ZC3H12B: variants seen among roughly 807,000 people sequenced by gnomAD.
ZC3H12B encodes the protein zinc finger CCCH-type containing 12B.
A neutral mutation model predicts 43.9 loss-of-function variants in ZC3H12B; 7 were observed. That is an observed-to-expected ratio of 0.16 (90% CI 0.09 to 0.30). The LOEUF (loss-of-function observed/expected upper bound fraction) is 0.30, where lower values mean the gene tolerates loss of function less well. ZC3H12B is among the 10% of genes least tolerant of loss of function. ZC3H12B has a pLI of 1.00. For missense variants in ZC3H12B, 475 were observed against 670.2 expected (o/e 0.71, Z 3.22); for synonymous variants, 222 against 241.7 (o/e 0.92, Z 0.76).
the ZC3H12B span, among the ~76,000 whole-genome samples, chrX:65,168,392 G>A: frequency 2.7e-5 from 3 of 111,684 alleles, no homozygotes; most frequent in African/African-American, 9.8e-5. Context: ...AAGCCCACTT[G>A]ATCATGGTGG....
chrX:65,406,074 C>T (rs1170236287), intron 3 of ZC3H12B, among the ~76,000 whole-genome samples: 2 of 111,735 alleles, frequency 1.8e-5, no homozygotes, highest in Non-Finnish European at 1.9e-5. Context: ...TTAAAGAGAA[C>T]TGGTACCCAT....
chrX:65,275,804 A>G, the ZC3H12B span, among the ~76,000 whole-genome samples: 2 of 112,514 alleles, frequency 1.8e-5, no homozygotes, highest in Non-Finnish European at 3.7e-5. Flanking sequence ...GCCAAATAAT[A>G]TGAAACGTCC....
the ZC3H12B span, among the ~76,000 whole-genome samples, chrX:65,204,286 C>A: frequency 8.9e-6 from 1 of 111,910 alleles, no homozygotes; most frequent in African/African-American, 3.2e-5. Flanking sequence ...GGAAGCTGAT[C>A]GGTGGATCCT....
chrX:65,166,507 G>A, the ZC3H12B span, among the ~76,000 whole-genome samples: 6 of 111,797 alleles, frequency 5.4e-5, no homozygotes, highest in Admixed American at 9.6e-5. Flanking sequence ...ATAAACATTC[G>A]TGTGCATGTG....
intron 2 of ZC3H12B, among the ~76,000 whole-genome samples, chrX:65,371,781 C>T (rs1287262877): frequency 1.8e-5 from 2 of 111,552 alleles, no homozygotes; most frequent in Non-Finnish European, 3.8e-5. Flanking sequence ...GGAGCTGTAA[C>T]ACTCAGGCAT....
the ZC3H12B span, among the ~76,000 whole-genome samples, chrX:65,243,682 C>A: frequency 8.9e-6 from 1 of 112,254 alleles, no homozygotes; most frequent in Non-Finnish European, 1.9e-5. Flanking sequence ...ATGTTTATTG[C>A]AGCACTTTTC....
intron 1 of ZC3H12B, among the ~76,000 whole-genome samples, chrX:65,490,379 GAAAAA>G (rs1032989325): frequency 1.8e-5 from 1 of 54,994 alleles, no homozygotes; most frequent in Non-Finnish European, 3.4e-5. Flanking sequence ...ACTGTTTCAG[GAAAAA>G]AAAAAAAAAA....
At chrX:65,159,802 G>A in the ZC3H12B span, among the ~76,000 whole-genome samples, 3 of 111,886 alleles carry the variant, frequency 2.7e-5, no homozygotes, top group African/African-American at 6.5e-5. Flanking sequence ...ACACTATGTG[G>A]AAGAGGAGTG....
intron 3 of ZC3H12B, among the ~76,000 whole-genome samples, chrX:65,451,458 G>T (rs772929503): frequency 6.4e-5 from 7 of 109,866 alleles, no homozygotes; most frequent in African/African-American, 2.3e-4. Flanking sequence ...ATTTTGATTG[G>T]GCTATGTTTC....
At chrX:65,113,271 C>T in the ZC3H12B span, among the ~76,000 whole-genome samples, 5 of 111,890 alleles carry the variant, frequency 4.5e-5, no homozygotes, top group Non-Finnish European at 7.5e-5. Flanking sequence ...GAGGAATCTG[C>T]TCCTGGTGAA....
At chrX:65,335,602 T>C in the ZC3H12B span, among the ~76,000 whole-genome samples, 1 of 111,148 alleles carries the variant, frequency 9.0e-6, no homozygotes, top group East Asian at 2.9e-4. Flanking sequence ...ATTGTAAAGG[T>C]CATACAGATA....
chrX:65,426,392 C>CAAAAAA (rs58910748), intron 3 of ZC3H12B, among the ~76,000 whole-genome samples: 1 of 42,191 alleles, frequency 2.4e-5, no homozygotes, highest in Non-Finnish European at 4.8e-5. Context: ...TAATTATTTC[C>CAAAAAA]AAAAAAAAAA....
At chrX:65,061,575 A>G in the ZC3H12B span, among the ~76,000 whole-genome samples, 1 of 112,106 alleles carries the variant, frequency 8.9e-6, no homozygotes, top group Non-Finnish European at 1.9e-5. Flanking sequence ...ATTGATGGGC[A>G]TTTGGGTTGA....
At chrX:65,069,198 G>A in the ZC3H12B span, among the ~76,000 whole-genome samples, 18 of 106,773 alleles carry the variant, frequency 1.7e-4, no homozygotes, top group Admixed American at 8.3e-4. Flanking sequence ...TGTTATTATC[G>A]CTATGAATCA....
the ZC3H12B span, among the ~76,000 whole-genome samples, chrX:65,176,806 A>C: frequency 9.0e-6 from 1 of 111,668 alleles, no homozygotes; most frequent in Non-Finnish European, 1.9e-5. Context: ...CAACCAAAAA[A>C]AGCCCAGGAT....
chrX:65,294,462 G>A, the ZC3H12B span, among the ~76,000 whole-genome samples: 1 of 110,944 alleles, frequency 9.0e-6, no homozygotes, highest in Admixed American at 9.6e-5. Context: ...AAAGAACAAG[G>A]TATTCAGGCA....
At chrX:65,134,984 G>T in the ZC3H12B span, among the ~76,000 whole-genome samples, 2 of 111,074 alleles carry the variant, frequency 1.8e-5, no homozygotes, top group Admixed American at 1.9e-4. Context: ...GTCAGTTAAG[G>T]CAGGAACCAG....
At chrX:65,213,679 C>A in the ZC3H12B span, among the ~76,000 whole-genome samples, 1 of 110,178 alleles carries the variant, frequency 9.1e-6, no homozygotes, top group Non-Finnish European at 1.9e-5. Context: ...TCTCAAATTA[C>A]TGATGAATTT....
chrX:65,377,914 C>T (rs763733150), intron 2 of ZC3H12B, among the ~76,000 whole-genome samples: 17 of 110,433 alleles, frequency 1.5e-4, no homozygotes, highest in Admixed American at 4.8e-4. Flanking sequence ...CTGGCAAACA[C>T]GGTGAAACCC....
Sources: allele counts gnomAD v4.1 joint callset (sites outside exome capture counted in the v4.1 genomes callset), GRCh38; gene constraint gnomAD v4.1.1; transcripts MANE v1.5; gene names NCBI Gene and HGNC (gene_info 2026-07-23, HGNC 2026-07-21).